Variants in SH3PXD2B observed in about 807,000 individuals in gnomAD.
SH3PXD2B encodes SH3 and PX domains 2B.
SH3PXD2B carries 37 observed loss-of-function variants against 73.1 expected under a neutral mutation model. The observed-to-expected ratio is 0.51, with a 90% CI of 0.39 to 0.67. The LOEUF (loss-of-function observed/expected upper bound fraction) is 0.67. SH3PXD2B is among the 30% of genes least tolerant of loss of function. The pLI is 0.00. For synonymous variants in SH3PXD2B, 457 were observed against 480.5 expected (o/e 0.95, Z 0.64); for missense variants, 1,053 against 1,197.8 (o/e 0.88, Z 1.78).
chr5:172,415,560 G>A (rs972726766), intron 2 of SH3PXD2B, among the ~76,000 whole-genome samples: 3 of 152,174 alleles, frequency 2.0e-5, no homozygotes, highest in Non-Finnish European at 2.9e-5. Flanking sequence ...TCTGTGAAAT[G>A]GATACAATAC....
Position 172,338,651 on chromosome 5 carries a change from C to A in SH3PXD2B, c.2454G>T (p.Thr818=). The A allele has an allele frequency of 6.2e-7, 1 of 1,614,186 alleles. No homozygotes were observed. The highest frequency in any genetic ancestry group is 8.5e-7 in the Non-Finnish European group (1 of 1,180,030). Residue 818 remains threonine (T), a synonymous_variant, in exon 13 of 13, where the codon ACG becomes ACT. Transcript: ENST00000311601. The surrounding 1 kb of genome is among the most constrained non-coding windows in gnomAD (Gnocchi z 5.1). The part of the protein sequence containing the change: ...LSNSLGGQDD[T]RGKGSLGPWG... The stretch of plus-strand genomic sequence containing the variant: ...ATGGCCCCAGGCTGCCTTTGCCTCG[C>A]GTGTCATCCTGGCCCCCCAAAGAGT...
intron 1 of SH3PXD2B, among the ~76,000 whole-genome samples, chr5:172,451,802 G>A (rs1447190355): frequency 6.6e-6 from 1 of 152,188 alleles, no homozygotes; most frequent in Non-Finnish European, 1.5e-5. Context: ...AACAGCAGCG[G>A]TCGCCCACCA....
chr5:172,332,936 GTT>G (rs1283627913), downstream of SH3PXD2B, among the ~76,000 whole-genome samples: 1 of 17,494 alleles, frequency 5.7e-5, no homozygotes, highest in African/African-American at 2.0e-4. Context: ...ACCGCACAAT[GTT>G]TTTTTTTTTT....
intron 6 of SH3PXD2B, among the ~76,000 whole-genome samples, chr5:172,368,549 ATATAT>A (rs1757601182): frequency 4.1e-5 from 1 of 24,616 alleles, no homozygotes; most frequent in Non-Finnish European, 5.6e-5. Context: ...TAAAATATAT[ATATAT>A]TATATATATA....
downstream of SH3PXD2B, among the ~76,000 whole-genome samples, chr5:172,329,246 A>G (rs1756508441): frequency 6.9e-6 from 1 of 145,264 alleles, no homozygotes; most frequent in Admixed American, 6.7e-5. Context: ...ATGCCCAGCT[A>G]AGTTTTTTTG....
At chr5:172,391,649 G>A (rs1323588357) in intron 4 of SH3PXD2B, among the ~76,000 whole-genome samples, 3 of 152,118 alleles carry the variant, frequency 2.0e-5, no homozygotes, top group Non-Finnish European at 4.4e-5. Flanking sequence ...TTTTAGTAGA[G>A]ATGAGGTTTC....
At chr5:172,423,454 TAGA>T (rs1319430709) in intron 1 of SH3PXD2B, among the ~76,000 whole-genome samples, 7 of 149,634 alleles carry the variant, frequency 4.7e-5, no homozygotes, top group African/African-American at 1.7e-4. Context: ...AGGTGACGGT[TAGA>T]AGGAGAGACA....
chr5:172,450,013 T>C (rs1003821502), intron 1 of SH3PXD2B, among the ~76,000 whole-genome samples: 1 of 152,060 alleles, frequency 6.6e-6, no homozygotes, highest in Non-Finnish European at 1.5e-5. Context: ...TAGGGAATGT[T>C]AAAAAGGGAA....
At chr5:172,354,957 T>C (rs1019165835) in intron 8 of SH3PXD2B, among the ~76,000 whole-genome samples, 6 of 152,160 alleles carry the variant, frequency 3.9e-5, no homozygotes, top group Non-Finnish European at 8.8e-5. Flanking sequence ...TGCTCATCGC[T>C]GCACTCTGGC....
At position 172,416,122 on chromosome 5, in the gene SH3PXD2B, G is replaced by A. The variant is rs182514041; in HGVS notation, c.156+6294C>T. ...GTGGGTGGGTGACTTGAGTCCAGGA[G>A]TTTGAGACCAGTCGGGGCAACAAAG... On this transcript the variant is annotated intron_variant, in intron 2 of 12. Transcript: ENST00000311601. Among the ~76,000 whole-genome samples the A allele has an allele frequency of 2.2e-3, 338 of 152,242 alleles. 1 individual carries two copies. Among genetic ancestry groups the A allele is most frequent in the Non-Finnish European group, 2.5e-3 (172 of 67,998 alleles).
At position 172,346,128 on chromosome 5, in the gene SH3PXD2B, C is replaced by T. The variant is rs770076566; in HGVS notation, c.1188+8G>A. ...ACAAGTAGGCAAAGGAACACCAGGGCCACTCACCTCGACCTTCAGGCCTGC... is the reference window on the plus strand; with the variant it reads ...ACAAGTAGGCAAAGGAACACCAGGGTCACTCACCTCGACCTTCAGGCCTGC... On this transcript the variant is annotated splice_region_variant and intron_variant, in intron 12 of 12. Coordinates refer to ENST00000311601, the MANE Select transcript of SH3PXD2B (RefSeq NM_001017995.3). The T allele has an allele frequency of 8.1e-6, 13 of 1,614,006 alleles. No individual in the cohort carries two copies. In the East Asian group the frequency reaches 2.9e-4, roughly 36 times the overall value.
intron 2 of SH3PXD2B, among the ~76,000 whole-genome samples, chr5:172,410,972 G>C (rs1561928487): frequency 6.6e-6 from 1 of 152,148 alleles, no homozygotes; most frequent in Non-Finnish European, 1.5e-5. Flanking sequence ...TTTTGCCTAA[G>C]ACCACTCTTT....
chr5:172,425,080 C>T (rs571659765), intron 1 of SH3PXD2B, among the ~76,000 whole-genome samples: 1 of 152,182 alleles, frequency 6.6e-6, no homozygotes, highest in African/African-American at 2.4e-5. Context: ...CTCAGAAAGG[C>T]GACTTTGTGA....
In SH3PXD2B at chr5:172,373,776, G is replaced by A. The variant is rs79535495; in HGVS notation, c.427+14C>T. On this transcript the variant is annotated intron_variant, in intron 6 of 12. Coordinates refer to ENST00000311601, the MANE Select transcript of SH3PXD2B (RefSeq NM_001017995.3). ...AAAACTGAACGAAGAGAAGAAAATA[G>A]AAAATATTCTTACCAGATTTCTTTT... is the stretch of plus-strand genomic sequence containing the variant. 5.6e-6 allele frequency: 9 copies of A among 1,612,872 alleles called. No individual in the cohort carries two copies. In the Admixed American group the frequency reaches 1.5e-4, roughly 27 times the overall value.
intron 1 of SH3PXD2B, among the ~76,000 whole-genome samples, chr5:172,437,603 G>A (rs943329574): frequency 2.0e-5 from 3 of 152,354 alleles, no homozygotes; most frequent in East Asian, 1.9e-4. Context: ...CGGTCCCCAC[G>A]TCAGCGCCAG....
At chr5:172,385,521 T>C (rs1758041056) in intron 4 of SH3PXD2B, among the ~76,000 whole-genome samples, 1 of 152,170 alleles carries the variant, frequency 6.6e-6, no homozygotes, top group African/African-American at 2.4e-5. Flanking sequence ...CTTCCCTACG[T>C]GCCTAGACAG....
intron 3 of SH3PXD2B, among the ~76,000 whole-genome samples, chr5:172,400,449 T>C (rs1163099264): frequency 6.6e-6 from 1 of 152,160 alleles, no homozygotes; most frequent in Non-Finnish European, 1.5e-5. Context: ...GAGGTTCAGC[T>C]TGTTCTTTCC....
intron 1 of SH3PXD2B, among the ~76,000 whole-genome samples, chr5:172,430,166 C>T (rs1759200221): frequency 6.6e-6 from 1 of 152,210 alleles, no homozygotes; most frequent in Admixed American, 6.5e-5. Context: ...GGTAAATGTT[C>T]CATAAAGAGA....
At chr5:172,409,832 C>T (rs1415650408) in intron 2 of SH3PXD2B, among the ~76,000 whole-genome samples, 1 of 152,226 alleles carries the variant, frequency 6.6e-6, no homozygotes, top group African/African-American at 2.4e-5. Context: ...TCTCCTGCCT[C>T]AGCCTCCCCG....
Sources: allele counts gnomAD v4.1 joint callset (sites outside exome capture counted in the v4.1 genomes callset), GRCh38; gene constraint gnomAD v4.1.1; non-coding constraint Gnocchi (gnomAD v3.1); transcripts MANE v1.5; gene names NCBI Gene and HGNC (gene_info 2026-07-23, HGNC 2026-07-21).